The following ESR1 variants were observed in gnomAD, a reference collection of about 807,000 sequenced individuals.
The protein encoded by ESR1 is estrogen receptor.
Under a neutral mutation model 52.7 loss-of-function variants are expected in ESR1, and 12 were observed. The ratio of observed to expected loss-of-function variants is 0.23; its 90% CI spans 0.15 to 0.37. ESR1 has a LOEUF of 0.37. Among genes scored for constraint, ESR1 ranks in the 10% least tolerant of loss-of-function variants. ESR1 has a pLI of 1.00. For synonymous variants in ESR1, 305 were observed against 316.8 expected, an observed-to-expected ratio of 0.96 and a Z score of 0.39; for missense variants, 584 against 779.7, an observed-to-expected ratio of 0.75 and a Z score of 2.99.
chr6:151,774,878 TATAA>T (rs1163729535), intron 2 of ESR1, among the ~76,000 whole-genome samples: 3 of 152,312 alleles, frequency 2.0e-5, no homozygotes, highest in South Asian at 4.1e-4. Flanking sequence ...AATAACTAAC[TATAA>T]ATAAAGAGCT....
chr6:151,883,992 T>G (rs1793407410), intron 3 of ESR1, among the ~76,000 whole-genome samples: 1 of 152,054 alleles, frequency 6.6e-6, no homozygotes, highest in Admixed American at 6.5e-5. Flanking sequence ...GCCCAGGGGG[T>G]AAGATTTCAA....
chr6:151,862,800 A>G (rs1460966695), intron 2 of ESR1, among the ~76,000 whole-genome samples: 1 of 152,154 alleles, frequency 6.6e-6, no homozygotes, highest in Non-Finnish European at 1.5e-5. Flanking sequence ...ACAAGGTTCT[A>G]GTGGTGAAGT....
In ESR1 at chr6:151,885,028, T is replaced by TG. The variant is rs948256734; in HGVS notation, c.760+4263dup. ...CATAAACTCCATGATGGCGCGGGGG[T>TG]GGGGGGTCTCTGTGTCTTGTTTACC... is the stretch of plus-strand genomic sequence containing the variant. On this transcript the variant is annotated intron_variant, in intron 3 of 7. Coordinates refer to ENST00000206249, the MANE Select transcript of ESR1 (RefSeq NM_000125.4). Among the ~76,000 whole-genome samples, 29 of 149,390 alleles carry TG rather than the reference T, an allele frequency of 1.9e-4. No individual in the cohort carries two copies. The South Asian group carries it at 4.1e-3, about 21-fold the overall frequency.
chr6:151,964,312 A>G (rs1298576761), intron 4 of ESR1, among the ~76,000 whole-genome samples: 1 of 152,000 alleles, frequency 6.6e-6, no homozygotes, highest in African/African-American at 2.4e-5. Flanking sequence ...GAAGAGGTAT[A>G]CTTTTTTCAT....
At chr6:151,910,882 A>G (rs1274798168) in intron 3 of ESR1, among the ~76,000 whole-genome samples, 2 of 152,184 alleles carry the variant, frequency 1.3e-5, no homozygotes, top group African/African-American at 2.4e-5. Flanking sequence ...GGTTTCCTGG[A>G]CGACAGTATT....
chr6:151,686,164 A>G (rs113808369), upstream of ESR1, among the ~76,000 whole-genome samples: 3 of 148,906 alleles, frequency 2.0e-5, no homozygotes, highest in South Asian at 2.1e-4. Context: ...ATTTCTTCCA[A>G]AAGTATTTTC....
At chr6:151,943,224 C>A (rs990983112) in intron 3 of ESR1, among the ~76,000 whole-genome samples, 1 of 151,706 alleles carries the variant, frequency 6.6e-6, no homozygotes, top group Non-Finnish European at 1.5e-5. Flanking sequence ...ACTAAAAATA[C>A]AAAAAATTAG....
At chr6:151,873,204 T>G (rs1043127557) in intron 2 of ESR1, among the ~76,000 whole-genome samples, 1 of 152,238 alleles carries the variant, frequency 6.6e-6, no homozygotes, top group African/African-American at 2.4e-5. Flanking sequence ...GTTCAGCTTC[T>G]GGAATGAAAG....
chr6:151,843,844 C>T (rs1158186261), intron 2 of ESR1, among the ~76,000 whole-genome samples: 1 of 151,528 alleles, frequency 6.6e-6, no homozygotes, highest in African/African-American at 2.4e-5. Flanking sequence ...TCTTTCCTGC[C>T]CTGATATGAG....
At chr6:151,885,631 G>A (rs1793712755) in intron 3 of ESR1, among the ~76,000 whole-genome samples, 1 of 152,194 alleles carries the variant, frequency 6.6e-6, no homozygotes, top group Non-Finnish European at 1.5e-5. Context: ...TTGGGAGGCT[G>A]AGGTGGGCGG....
intron 1 of ESR1, among the ~76,000 whole-genome samples, chr6:151,826,295 A>G (rs1014780737): frequency 6.6e-6 from 1 of 152,238 alleles, no homozygotes; most frequent in African/African-American, 2.4e-5. Flanking sequence ...TTATAGGAAC[A>G]TAAGAGCGAA....
intron 2 of ESR1, among the ~76,000 whole-genome samples, chr6:151,787,103 C>T (rs1787104272): frequency 6.6e-6 from 1 of 152,218 alleles, no homozygotes; most frequent in African/African-American, 2.4e-5. Flanking sequence ...GCCACCGTGC[C>T]TGGCTGCATT....
intron 2 of ESR1, among the ~76,000 whole-genome samples, chr6:151,724,271 A>G (rs1781679014): frequency 2.0e-5 from 3 of 152,136 alleles, no homozygotes; most frequent in Non-Finnish European, 4.4e-5. Flanking sequence ...AGAGGGGTAA[A>G]TGACTCCCTG....
At chr6:151,664,276 C>A (rs891327191) in intron 1 of ESR1, among the ~76,000 whole-genome samples, 1 of 152,108 alleles carries the variant, frequency 6.6e-6, no homozygotes, top group Non-Finnish European at 1.5e-5. Context: ...GAAGGTCAGC[C>A]TTCTGTAAAA....
chr6:152,117,870 C>T (rs113047544), intron 6 of ESR1, among the ~76,000 whole-genome samples: 130 of 152,264 alleles, frequency 8.5e-4, no homozygotes, highest in African/African-American at 2.8e-3. Flanking sequence ...AATAAAAGTC[C>T]TTCGCTTTCA....
intron 2 of ESR1, among the ~76,000 whole-genome samples, chr6:151,845,711 C>T (rs1722542159): frequency 6.6e-6 from 1 of 152,150 alleles, no homozygotes; most frequent in African/African-American, 2.4e-5. Context: ...TCTTGTGTAT[C>T]ATAGTGTGAA....
At chr6:151,733,659 C>T (rs1046502375) in intron 2 of ESR1, among the ~76,000 whole-genome samples, 3 of 152,286 alleles carry the variant, frequency 2.0e-5, no homozygotes, top group African/African-American at 7.2e-5. Context: ...GAATTTGCGA[C>T]CCTGCCATTT....
intron 4 of ESR1, chr6:151,984,311 G>A (rs1183763815): frequency 6.6e-6 from 1 of 151,900 alleles, no homozygotes; most frequent in East Asian, 1.9e-4. Context: ...AATCTTCTGA[G>A]ATGTATAGGT....
upstream of ESR1, among the ~76,000 whole-genome samples, chr6:151,686,321 C>T (rs1039613260): frequency 6.6e-5 from 10 of 152,124 alleles, no homozygotes; most frequent in South Asian, 1.0e-3. Flanking sequence ...ATTATGGCTC[C>T]GTTGTCGAAC....
Sources: gnomAD v4.1 joint callset for allele counts (sites outside exome capture counted in the v4.1 genomes callset) on GRCh38, gnomAD v4.1.1 for gene constraint, MANE v1.5 for transcripts, NCBI Gene and HGNC (gene_info 2026-07-23, HGNC 2026-07-21) for gene names.